The following GPX6 variants were observed in gnomAD, a reference collection of about 807,000 sequenced individuals.
The protein encoded by GPX6 is glutathione peroxidase 6 (olfactory).
In GPX6, 21 loss-of-function variants were observed where a neutral mutation model predicts 20.0. The ratio of observed to expected loss-of-function variants is 1.05; its 90% CI spans 0.74 to 1.51. GPX6 has a LOEUF of 1.51. Ranked by LOEUF, GPX6 falls within the 40% of genes most tolerant of loss-of-function variation. The probability of loss-of-function intolerance (pLI) is 0.00; values close to 1 mark genes in which losing one functional copy is unlikely to be tolerated. For missense variants in GPX6, 233 were observed against 254.7 expected, an observed-to-expected ratio of 0.91 and a Z score of 0.58; for synonymous variants, 75 against 98.0, an observed-to-expected ratio of 0.77 and a Z score of 1.38.
At chr6:28,515,187 G>C (rs1273389518) in intron 1 of GPX6, among the ~76,000 whole-genome samples, 1 of 152,186 alleles carries the variant, frequency 6.6e-6, no homozygotes, top group Non-Finnish European at 1.5e-5. Flanking sequence ...TCCTAGTGCA[G>C]ATCGCAAGCC....
chr6:28,515,428 A>G (rs964742037), intron 1 of GPX6, among the ~76,000 whole-genome samples: 11 of 152,340 alleles, frequency 7.2e-5, no homozygotes, highest in Middle Eastern at 3.4e-3. Flanking sequence ...ACCCCACTCC[A>G]CATACATTCA....
intron 2 of GPX6, among the ~76,000 whole-genome samples, chr6:28,508,622 A>G (rs1306654432): frequency 1.3e-5 from 2 of 151,956 alleles, no homozygotes; most frequent in East Asian, 1.9e-4. Context: ...CCTGACCAAC[A>G]TAGTGAAACC....
chr6:28,509,725 T>A (rs769226547), intron 2 of GPX6, among the ~76,000 whole-genome samples: 1 of 152,190 alleles, frequency 6.6e-6, no homozygotes, highest in East Asian at 1.9e-4. Flanking sequence ...CCAACAGTAA[T>A]GCAAAACTCT....
In GPX6 at chr6:28,515,246, A is replaced by G. The variant is rs150211528; in HGVS notation, c.87+411T>C. Among the ~76,000 whole-genome samples, 66 of 152,260 alleles carry G rather than the reference A, an allele frequency of 4.3e-4. 1 individual carries two copies. The highest frequency in any genetic ancestry group is 3.4e-3 in the Middle Eastern group (1 of 294). On this transcript the variant is annotated intron_variant, in intron 1 of 4. Transcript: ENST00000361902. Reference sequence around the variant, plus strand: ...GGGTTTCTGGCTGAGCAGCCTCTCCAGGAGTAACCAGGGCAGCCTCCCTGT... The same window carrying G: ...GGGTTTCTGGCTGAGCAGCCTCTCCGGGAGTAACCAGGGCAGCCTCCCTGT...
At chr6:28,513,130 C>G (rs562435822) in intron 1 of GPX6, among the ~76,000 whole-genome samples, 2 of 152,174 alleles carry the variant, frequency 1.3e-5, no homozygotes, top group African/African-American at 4.8e-5. Context: ...TTTTGGCTCC[C>G]CCATCTGATG....
In GPX6 at chr6:28,513,225, C is replaced by G. The variant is rs560180108; in HGVS notation, c.88-2321G>C. Among the ~76,000 whole-genome samples the G allele has an allele frequency of 9.9e-5, 15 of 152,144 alleles. No individual in the cohort carries two copies. The East Asian group carries it at 2.9e-3, about 29-fold the overall frequency. On this transcript the variant is annotated intron_variant, in intron 1 of 4. Coordinates refer to ENST00000361902, the MANE Select transcript of GPX6 (RefSeq NM_182701.1). ...TTCTTCTCGTAAACCAAGGCAAGATCCCTGGGATACAGAAAGTCCTCTGTC... is the reference window on the plus strand; with the variant it reads ...TTCTTCTCGTAAACCAAGGCAAGATGCCTGGGATACAGAAAGTCCTCTGTC...
chr6:28,513,629 C>T (rs34247326), intron 1 of GPX6, among the ~76,000 whole-genome samples: 2 of 152,314 alleles, frequency 1.3e-5, no homozygotes, highest in East Asian at 3.9e-4. Context: ...AAAAACTTTT[C>T]TACCCACAAG....
chr6:28,513,051 C>T (rs1762933255), intron 1 of GPX6, among the ~76,000 whole-genome samples: 1 of 152,206 alleles, frequency 6.6e-6, no homozygotes, highest in African/African-American at 2.4e-5. Flanking sequence ...ACAGTAGGAG[C>T]ACACTGGAAG....
At chr6:28,512,692 C>T (rs578034164) in intron 1 of GPX6, among the ~76,000 whole-genome samples, 7 of 152,324 alleles carry the variant, frequency 4.6e-5, no homozygotes, top group South Asian at 2.1e-4. Context: ...TGCAATAAGT[C>T]TTGCTGCTGC....
chr6:28,512,637 C>A (rs550799264), intron 1 of GPX6, among the ~76,000 whole-genome samples: 2 of 152,184 alleles, frequency 1.3e-5, no homozygotes, highest in South Asian at 2.1e-4. Context: ...TGGCAGCCCC[C>A]GTGGGTCCCC....
chr6:28,505,095 T>C (rs35316537), intron 4 of GPX6, among the ~76,000 whole-genome samples: 1 of 152,354 alleles, frequency 6.6e-6, no homozygotes, highest in Non-Finnish European at 1.5e-5. Context: ...AAGGGCAATT[T>C]ATATGGGTAA....
chr6:28,503,299 CCGTG>C lies in GPX6; in HGVS notation c.*989_*992del, dbSNP rs1762774207. The C allele has an allele frequency of 6.6e-6, 1 of 152,132 alleles. No individual in the cohort carries two copies. The highest frequency in any genetic ancestry group is 2.1e-4 in the South Asian group (1 of 4,816). The allele number at this position is 152,132 out of a possible 1,614,324, so 9.4% of individuals were successfully genotyped here. Reference sequence around the variant, plus strand: ...AGCAGCTCTGAGCAACCAGTTCCAGCCGTGCTTTTATATGTGCCAAGGAAAGTTC... The same window carrying C: ...AGCAGCTCTGAGCAACCAGTTCCAGCCTTTTATATGTGCCAAGGAAAGTTC... On this transcript the variant is annotated 3_prime_UTR_variant, in exon 5 of 5. Coordinates refer to ENST00000361902, the MANE Select transcript of GPX6 (RefSeq NM_182701.1).
intron 1 of GPX6, among the ~76,000 whole-genome samples, chr6:28,514,517 G>C (rs906278962): frequency 6.6e-6 from 1 of 152,224 alleles, no homozygotes; most frequent in African/African-American, 2.4e-5. Flanking sequence ...AAGTAAGTAA[G>C]TAAGCTGTCT....
chr6:28,513,371 TGC>T (rs1242092718), intron 1 of GPX6, among the ~76,000 whole-genome samples: 2 of 152,176 alleles, frequency 1.3e-5, no homozygotes, highest in Non-Finnish European at 2.9e-5. Context: ...TCCTAGACAC[TGC>T]CTTAAGGTTG....
chr6:28,512,167 G>C (rs111595762), intron 1 of GPX6, among the ~76,000 whole-genome samples: 10,646 of 152,366 alleles, frequency 0.07, 488 homozygotes, highest in African/African-American at 0.12. Flanking sequence ...GGGCTGAGGA[G>C]TGCGGGCGCA....
At chr6:28,513,357 T>A (rs1455395571) in intron 1 of GPX6, among the ~76,000 whole-genome samples, 1 of 152,134 alleles carries the variant, frequency 6.6e-6, no homozygotes, top group Non-Finnish European at 1.5e-5. Flanking sequence ...TTGTAAACAT[T>A]CACTCCTAGA....
chr6:28,514,386 T>A (rs1762986778), intron 1 of GPX6, among the ~76,000 whole-genome samples: 1 of 152,196 alleles, frequency 6.6e-6, no homozygotes, highest in Non-Finnish European at 1.5e-5. Flanking sequence ...AGAACACAGC[T>A]TTTAATTCAC....
chr6:28,504,483 T>C lies in GPX6; in HGVS notation c.475A>G (p.Thr159Ala). 6.2e-7 allele frequency: 1 copy of C among 1,613,846 alleles called. No individual in the cohort carries two copies. Among genetic ancestry groups the C allele is most frequent in the South Asian group, 1.1e-5 (1 of 91,058 alleles). The change falls in exon 5 of 5, where the codon ACC becomes GCC. Residue 159 changes from threonine to alanine, a missense_variant. By Grantham distance (58) the Thr-to-Ala change is moderately conservative. Coordinates refer to ENST00000361902, the MANE Select transcript of GPX6 (RefSeq NM_182701.1). ...FTFLKNSCPPTSDLLGSSSQL... is the reference protein window; with the variant it reads ...FTFLKNSCPPASDLLGSSSQL... ...CTTGATGAGCCCAAAAGATCAGAGG[T>C]CGGAGGGCAGGAGTTCTGGAGCAGA...
At position 28,504,331 on chromosome 6, in the gene GPX6, T is replaced by G. The variant is rs375768032; in HGVS notation, c.627A>C (p.Ser209=). The part of the protein sequence containing the change: ...FHQAPVSTVK[S]DILEYLKQFN... Reference sequence around the variant, plus strand: ...ACTGCTTTAGGTACTCCAGGATGTCTGACTTGACTGTGCTGACTGGAGCCT... The same window carrying G: ...ACTGCTTTAGGTACTCCAGGATGTCGGACTTGACTGTGCTGACTGGAGCCT... Residue 209 remains serine (S), a synonymous_variant, in exon 5 of 5, where the codon TCA becomes TCC. Transcript: ENST00000361902. 7.6e-5 allele frequency: 122 copies of G among 1,614,082 alleles called. No homozygotes were observed. The highest frequency in any genetic ancestry group is 9.6e-5 in the Non-Finnish European group (113 of 1,180,042).
Sources: gnomAD v4.1 joint callset for allele counts (sites outside exome capture counted in the v4.1 genomes callset) on GRCh38, gnomAD v4.1.1 for gene constraint, MANE v1.5 for transcripts, NCBI Gene and HGNC (gene_info 2026-07-23, HGNC 2026-07-21) for gene names.